SORCS3: variants seen among roughly 807,000 people sequenced by gnomAD.
SORCS3 encodes sortilin related VPS10 domain containing receptor 3, also known as VPS10 domain-containing receptor SorCS3.
In SORCS3, 57 loss-of-function variants were observed where a neutral mutation model predicts 146.3. The ratio of observed to expected loss-of-function variants is 0.39; its 90% CI spans 0.31 to 0.49. The LOEUF (loss-of-function observed/expected upper bound fraction) is 0.49, where lower values mean the gene tolerates loss of function less well. SORCS3 is among the 20% of genes least tolerant of loss of function. The pLI is 0.92. For missense variants in SORCS3, 1,341 were observed against 1,575.5 expected, an observed-to-expected ratio of 0.85 and a Z score of 2.52; for synonymous variants, 653 against 618.5, an observed-to-expected ratio of 1.06 and a Z score of -0.83.
chr10:104,757,616 G>A (rs2017069395), intron 1 of SORCS3, among the ~76,000 whole-genome samples: 2 of 152,212 alleles, frequency 1.3e-5, no homozygotes, highest in Admixed American at 1.3e-4. Context: ...TGGGTTGGGG[G>A]GATTTTCCTT....
intron 3 of SORCS3, among the ~76,000 whole-genome samples, chr10:104,971,493 C>T (rs1033529777): frequency 6.6e-6 from 1 of 152,172 alleles, no homozygotes; most frequent in Non-Finnish European, 1.5e-5. Context: ...TGGAAACGCT[C>T]ATGGAGCTAG....
intron 22 of SORCS3, among the ~76,000 whole-genome samples, chr10:105,250,630 A>T (rs1398473139): frequency 2.0e-5 from 3 of 152,090 alleles, no homozygotes; most frequent in Admixed American, 2.0e-4. Context: ...CCTTCACTGC[A>T]TTGGGTGGTT....
At chr10:104,729,328 C>T (rs1299915588) in intron 1 of SORCS3, among the ~76,000 whole-genome samples, 2 of 152,202 alleles carry the variant, frequency 1.3e-5, no homozygotes, top group East Asian at 3.8e-4. Context: ...TGGGCTGGAT[C>T]AGTTATTCAT....
chr10:104,978,638 T>G (rs892874158), intron 4 of SORCS3, among the ~76,000 whole-genome samples: 1 of 152,202 alleles, frequency 6.6e-6, no homozygotes, highest in Non-Finnish European at 1.5e-5. Flanking sequence ...TTCCATCCAC[T>G]TCTTTCTGTT....
intron 17 of SORCS3, among the ~76,000 whole-genome samples, chr10:105,212,861 A>G (rs1486485104): frequency 6.6e-6 from 1 of 152,234 alleles, no homozygotes; most frequent in African/African-American, 2.4e-5. Context: ...CTGAGAAAGT[A>G]TAAATTGATT....
intron 2 of SORCS3, among the ~76,000 whole-genome samples, chr10:104,862,243 T>C (rs1446088430): frequency 6.6e-6 from 1 of 152,150 alleles, no homozygotes; most frequent in Non-Finnish European, 1.5e-5. Context: ...TAATGGTACA[T>C]GGACCACAGG....
chr10:105,229,623 A>G (rs2056755610), intron 20 of SORCS3, among the ~76,000 whole-genome samples: 1 of 152,220 alleles, frequency 6.6e-6, no homozygotes, highest in Non-Finnish European at 1.5e-5. Context: ...TGCCTTAAAT[A>G]GAATCAGTGG....
intron 1 of SORCS3, among the ~76,000 whole-genome samples, chr10:104,670,534 G>T (rs1428478980): frequency 2.0e-5 from 3 of 152,070 alleles, no homozygotes; most frequent in Non-Finnish European, 4.4e-5. Context: ...TATTCTATTG[G>T]TTTATGTATC....
intron 17 of SORCS3, 48 bp downstream of exon 17, chr10:105,211,298 C>G (rs908292674): frequency 7.6e-7 from 1 of 1,320,222 alleles, no homozygotes; most frequent in East Asian, 2.3e-5. Flanking sequence ...TCCTGTTTCT[C>G]TAAACTAGGA....
chr10:104,843,830 A>G (rs1289336427), intron 2 of SORCS3, among the ~76,000 whole-genome samples: 2 of 152,196 alleles, frequency 1.3e-5, no homozygotes, highest in South Asian at 2.1e-4. Flanking sequence ...TGCTAGGTCC[A>G]TGAGACTTGA....
At chr10:104,741,125 A>G (rs1393983890) in intron 1 of SORCS3, among the ~76,000 whole-genome samples, 2 of 142,678 alleles carry the variant, frequency 1.4e-5, no homozygotes, top group Non-Finnish European at 3.0e-5. Context: ...CTACACCTGG[A>G]TAATTTAAAT....
intron 4 of SORCS3, among the ~76,000 whole-genome samples, chr10:105,040,141 A>G (rs2055330051): frequency 6.6e-6 from 1 of 152,128 alleles, no homozygotes; most frequent in South Asian, 2.1e-4. Context: ...AGAGTGATCC[A>G]TTTTTTAAAA....
intron 5 of SORCS3, among the ~76,000 whole-genome samples, chr10:105,084,921 G>A (rs71473544): frequency 2.0e-5 from 3 of 151,836 alleles, no homozygotes; most frequent in East Asian, 3.9e-4. Flanking sequence ...TAGTAGAGAC[G>A]GGGTTTCACC....
intron 1 of SORCS3, among the ~76,000 whole-genome samples, chr10:104,734,981 TA>T (rs1053026863): frequency 3.3e-5 from 5 of 152,202 alleles, no homozygotes; most frequent in Admixed American, 2.0e-4. Context: ...TCTCTTTTTT[TA>T]AAAAACCATT....
chr10:105,239,791 G>T (rs1169653262), intron 20 of SORCS3, among the ~76,000 whole-genome samples: 1 of 152,188 alleles, frequency 6.6e-6, no homozygotes, highest in African/African-American at 2.4e-5. Flanking sequence ...TTGAGTAGAT[G>T]AACCTTAAAA....
chr10:104,909,576 G>T (rs1489786852), intron 2 of SORCS3, among the ~76,000 whole-genome samples: 1 of 151,976 alleles, frequency 6.6e-6, no homozygotes, highest in Admixed American at 6.5e-5. Context: ...AATGAGGAGA[G>T]GACTGAGGAC....
intron 1 of SORCS3, among the ~76,000 whole-genome samples, chr10:104,657,619 A>C (rs1022235979): frequency 6.6e-6 from 1 of 152,054 alleles, no homozygotes; most frequent in Admixed American, 6.6e-5. Context: ...TTAATTGTCT[A>C]CTCTTTTTCC....
chr10:105,030,270 A>C (rs2055256721), intron 4 of SORCS3, among the ~76,000 whole-genome samples: 1 of 152,088 alleles, frequency 6.6e-6, no homozygotes, highest in South Asian at 2.1e-4. Context: ...CTTATTGTTA[A>C]CTGTGGTTGA....
At chr10:104,894,331 G>T (rs922850559) in intron 2 of SORCS3, among the ~76,000 whole-genome samples, 2 of 152,200 alleles carry the variant, frequency 1.3e-5, no homozygotes, top group Non-Finnish European at 2.9e-5. Flanking sequence ...TCAACTGTGT[G>T]CAACACCCTG....
Sources: gnomAD v4.1 joint callset for allele counts (sites outside exome capture counted in the v4.1 genomes callset) on GRCh38, gnomAD v4.1.1 for gene constraint, MANE v1.5 for transcripts, NCBI Gene and HGNC (gene_info 2026-07-23, HGNC 2026-07-21) for gene names.